The following THSD7B variants were observed in gnomAD, a reference collection of about 807,000 sequenced individuals.
The protein encoded by THSD7B is thrombospondin type 1 domain containing 7B, also known as thrombospondin type-1 domain-containing protein 7B.
In THSD7B, 138 loss-of-function variants were observed where a neutral mutation model predicts 213.6. The ratio of observed to expected loss-of-function variants is 0.65; its 90% CI spans 0.56 to 0.74. The LOEUF (loss-of-function observed/expected upper bound fraction) is 0.74, where lower values mean the gene tolerates loss of function less well. Ranked by LOEUF, THSD7B falls within the 30% of genes least tolerant of loss-of-function variation. The probability of loss-of-function intolerance (pLI) is 0.00; values close to 1 mark genes in which losing one functional copy is unlikely to be tolerated. For synonymous variants in THSD7B, 742 were observed against 687.0 expected (o/e 1.08, Z -1.25); for missense variants, 1,931 against 1,991.5 (o/e 0.97, Z 0.58).
At chr2:137,676,416 C>CT in intron 27 of THSD7B, 108 bp from the exon 28 acceptor site, 1 of 1,011,548 alleles carries the variant, frequency 9.9e-7, no homozygotes, top group Non-Finnish European at 1.4e-6. Context: ...AGAAATGAAT[C>CT]TTTTTGTCAT....
intron 12 of THSD7B, among the ~76,000 whole-genome samples, chr2:137,283,431 C>G (rs1683085180): frequency 6.6e-6 from 1 of 152,092 alleles, no homozygotes; most frequent in Non-Finnish European, 1.5e-5. Context: ...ACTTCCAACA[C>G]TATGTTGAAT....
chr2:137,593,795 C>T (rs902961306), intron 17 of THSD7B, among the ~76,000 whole-genome samples: 33 of 151,714 alleles, frequency 2.2e-4, no homozygotes, highest in African/African-American at 8.0e-4. Context: ...CCAAATTTAT[C>T]GTTTTATTTT....
intron 1 of THSD7B, among the ~76,000 whole-genome samples, chr2:136,769,997 G>A (rs1035239601): frequency 1.3e-5 from 2 of 152,146 alleles, no homozygotes; most frequent in Admixed American, 6.5e-5. Context: ...ATGCACAAAC[G>A]ATTTTTCAAT....
In THSD7B at chr2:137,408,440, A is replaced by G. The variant is rs567661279; in HGVS notation, c.2695+2633A>G. ...AGTCCTTGGTGATGGCCTCAAGGGA[A>G]TCAGTAGACACGATCCTAACTTAAC... On this transcript the variant is annotated intron_variant, in intron 13 of 27. Coordinates refer to ENST00000409968, the MANE Select transcript of THSD7B (RefSeq NM_001316349.2). Among the ~76,000 whole-genome samples the G allele has an allele frequency of 4.7e-4, 71 of 152,194 alleles. 1 individual carries two copies. In the South Asian group the frequency reaches 1.0e-2, roughly 21 times the overall value.
chr2:137,662,612 A>G (rs77154426), intron 25 of THSD7B, among the ~76,000 whole-genome samples: 3,834 of 152,212 alleles, frequency 0.025, 135 homozygotes, highest in African/African-American at 0.086. Context: ...GATAGCAAGA[A>G]CACTTAATTC....
At chr2:137,639,821 A>C (rs543641365) in intron 20 of THSD7B, among the ~76,000 whole-genome samples, 82 of 152,290 alleles carry the variant, frequency 5.4e-4, no homozygotes, top group African/African-American at 1.9e-3. Flanking sequence ...ATTTTTGCCA[A>C]GTTCTCCCAT....
chr2:137,123,646 T>A (rs1348776848), intron 5 of THSD7B, among the ~76,000 whole-genome samples: 1 of 152,174 alleles, frequency 6.6e-6, no homozygotes, highest in Non-Finnish European at 1.5e-5. Context: ...GAATGCATGT[T>A]GAAAGGAAGA....
chr2:136,898,855 T>C (rs1684012247), intron 2 of THSD7B, among the ~76,000 whole-genome samples: 1 of 151,464 alleles, frequency 6.6e-6, no homozygotes. Flanking sequence ...GTTGGCCAGG[T>C]TGTTCTTGAT....
At chr2:137,122,944 C>A (rs554468497) in intron 5 of THSD7B, among the ~76,000 whole-genome samples, 51 of 152,248 alleles carry the variant, frequency 3.3e-4, no homozygotes, top group Non-Finnish European at 6.5e-4. Flanking sequence ...TACTGGTCAC[C>A]TTGCTGCTAT....
intron 17 of THSD7B, among the ~76,000 whole-genome samples, chr2:137,610,940 T>C (rs1682276662): frequency 6.6e-6 from 1 of 150,682 alleles, no homozygotes; most frequent in Admixed American, 6.6e-5. Context: ...TTTTTAAAAG[T>C]TATAGCTTTA....
At chr2:137,480,053 C>T (rs1368354343) in intron 15 of THSD7B, among the ~76,000 whole-genome samples, 7 of 152,330 alleles carry the variant, frequency 4.6e-5, no homozygotes, top group African/African-American at 4.8e-5. Context: ...AGGCACCCAA[C>T]GAAGTTTGGC....
At chr2:136,881,388 G>A (rs974963415) in intron 1 of THSD7B, among the ~76,000 whole-genome samples, 6 of 152,106 alleles carry the variant, frequency 3.9e-5, no homozygotes, top group African/African-American at 1.4e-4. Context: ...AAAATATACC[G>A]ACACAGAGAC....
chr2:137,672,393 T>G (rs1683596583), intron 27 of THSD7B, among the ~76,000 whole-genome samples: 1 of 152,202 alleles, frequency 6.6e-6, no homozygotes, highest in Non-Finnish European at 1.5e-5. Flanking sequence ...CTACTGGTCT[T>G]TGAGTCATTG....
chr2:137,173,836 A>G (rs541774563), intron 7 of THSD7B, among the ~76,000 whole-genome samples: 3 of 152,288 alleles, frequency 2.0e-5, no homozygotes, highest in African/African-American at 7.2e-5. Flanking sequence ...TTTGACTCCT[A>G]CATATTATCA....
intron 15 of THSD7B, among the ~76,000 whole-genome samples, chr2:137,464,027 G>T (rs1049708244): frequency 2.6e-5 from 4 of 151,988 alleles, no homozygotes; most frequent in Non-Finnish European, 5.9e-5. Context: ...AGGGTTGATG[G>T]CTCCTATGGT....
At chr2:136,951,318 C>A (rs1377887391) in intron 2 of THSD7B, among the ~76,000 whole-genome samples, 1 of 152,168 alleles carries the variant, frequency 6.6e-6, no homozygotes, top group Admixed American at 6.5e-5. Context: ...CTCTTTTCCT[C>A]TCTGCATTTA....
chr2:137,539,404 C>T (rs1680566114), intron 15 of THSD7B, among the ~76,000 whole-genome samples: 1 of 151,540 alleles, frequency 6.6e-6, no homozygotes, highest in Non-Finnish European at 1.5e-5. Context: ...CTGCCTTATG[C>T]TGTTTGGTTG....
chr2:137,200,906 C>T (rs1009800378), intron 7 of THSD7B, among the ~76,000 whole-genome samples: 3 of 148,570 alleles, frequency 2.0e-5, no homozygotes, highest in Non-Finnish European at 3.0e-5. Context: ...TGGCCTCAAG[C>T]GATCCTACTG....
At chr2:136,915,338 T>A (rs1253530172) in intron 2 of THSD7B, among the ~76,000 whole-genome samples, 1 of 152,234 alleles carries the variant, frequency 6.6e-6, no homozygotes, top group Admixed American at 6.5e-5. Flanking sequence ...GACTTTATCA[T>A]AAATTGCTGC....
Sources: allele counts gnomAD v4.1 joint callset (sites outside exome capture counted in the v4.1 genomes callset), GRCh38; gene constraint gnomAD v4.1.1; transcripts MANE v1.5; gene names NCBI Gene and HGNC (gene_info 2026-07-23, HGNC 2026-07-21).